The following TNKS variants were observed in gnomAD, a reference collection of about 807,000 sequenced individuals.
TNKS encodes the protein poly [ADP-ribose] polymerase tankyrase-1.
TNKS carries 72 observed loss-of-function variants against 135.8 expected under a neutral mutation model. That is an observed-to-expected ratio of 0.53 (90% CI 0.44 to 0.64). The LOEUF (loss-of-function observed/expected upper bound fraction) is 0.64. Ranked by LOEUF, TNKS falls within the 30% of genes least tolerant of loss-of-function variation. The probability of loss-of-function intolerance (pLI) is 0.00; values close to 1 mark genes in which losing one functional copy is unlikely to be tolerated. For synonymous variants in TNKS, 849 were observed against 649.3 expected, an observed-to-expected ratio of 1.31 and a Z score of -4.68; for missense variants, 1,769 against 1,674.0, an observed-to-expected ratio of 1.06 and a Z score of -0.99.
intron 2 of TNKS, among the ~76,000 whole-genome samples, chr8:9,600,101 A>C (rs1563107031): frequency 6.6e-6 from 1 of 152,098 alleles, no homozygotes; most frequent in Non-Finnish European, 1.5e-5. Context: ...TTATCTCCTG[A>C]TTTACAGGCA....
intron 22 of TNKS, among the ~76,000 whole-genome samples, chr8:9,763,663 G>A (rs546888223): frequency 7.2e-5 from 11 of 152,158 alleles, no homozygotes; most frequent in Admixed American, 3.3e-4. Flanking sequence ...TAATCGTCAC[G>A]TATGCTTCTG....
chr8:9,611,860 A>G (rs1799476223), intron 2 of TNKS, among the ~76,000 whole-genome samples: 1 of 152,202 alleles, frequency 6.6e-6, no homozygotes, highest in African/African-American at 2.4e-5. Flanking sequence ...CCTGGTCTCA[A>G]CTTTTAGTTT....
chr8:9,703,802 G>A (rs534447958), intron 5 of TNKS, among the ~76,000 whole-genome samples: 5 of 152,248 alleles, frequency 3.3e-5, no homozygotes, highest in Non-Finnish European at 7.4e-5. Context: ...TGAAAAACCC[G>A]TTATGGTATT....
chr8:9,569,423 C>G (rs1440568133), intron 1 of TNKS, among the ~76,000 whole-genome samples: 1 of 152,180 alleles, frequency 6.6e-6, no homozygotes, highest in East Asian at 1.9e-4. Context: ...CCCTCTAACA[C>G]TCATAGATTT....
rs944352163 is a variant in TNKS at position 9,660,472 on chromosome 8, A to G, written c.995-19479A>G. Among the ~76,000 whole-genome samples the G allele has an allele frequency of 7.9e-4, 121 of 152,330 alleles. 2 individuals are homozygous for G. Among genetic ancestry groups the G allele is most frequent in the African/African-American group, 2.8e-3 (115 of 41,582 alleles). On this transcript the variant is annotated intron_variant, in intron 3 of 26. Coordinates refer to ENST00000310430, the MANE Select transcript of TNKS (RefSeq NM_003747.3). ...AAACGTAATCCAGCATGTAAAGAGA[A>G]CCAAAGACAAAAACCACATGATTAT...
intron 2 of TNKS, among the ~76,000 whole-genome samples, chr8:9,581,421 A>T (rs1398035028): frequency 6.6e-6 from 1 of 151,976 alleles, no homozygotes; most frequent in African/African-American, 2.4e-5. Flanking sequence ...GTTTCAACTG[A>T]CTCTCCCATT....
At chr8:9,682,401 C>G (rs147603360) in intron 5 of TNKS, among the ~76,000 whole-genome samples, 68 of 152,160 alleles carry the variant, frequency 4.5e-4, no homozygotes, top group African/African-American at 1.6e-3. Flanking sequence ...AACATGATCC[C>G]TGATATTTAA....
rs1348954544 is a variant in TNKS, at chr8:9,766,261, T to G, written c.3576T>G (p.Ile1192Met). The change falls in exon 25 of 27, where the codon ATT (isoleucine) becomes ATG (methionine). Residue 1192 changes from isoleucine to methionine, a missense_variant. Ile to Met is a conservative substitution (Grantham distance 10). Transcript: ENST00000310430. ...TAGGTTCTCCTTTCATTAATGCCATTATTCATAAAGGGTTTGATGAGCGAC... is the reference window on the plus strand; with the variant it reads ...TAGGTTCTCCTTTCATTAATGCCATGATTCATAAAGGGTTTGATGAGCGAC... ...LFHGSPFINAIIHKGFDERHA... is the reference protein window; with the variant it reads ...LFHGSPFINAMIHKGFDERHA... The G allele has an allele frequency of 2.5e-6, 4 of 1,608,354 alleles. No individual in the cohort carries two copies. The highest frequency in any genetic ancestry group is 3.4e-6 in the Non-Finnish European group (4 of 1,177,242).
rs1808453608 is a variant in TNKS at position 9,781,440 on chromosome 8, G to A, written c.*4704G>A. 1 of 152,170 alleles carries A rather than the reference G, an allele frequency of 6.6e-6. No individual in the cohort carries two copies. Among genetic ancestry groups the A allele is most frequent in the African/African-American group, 2.4e-5 (1 of 41,440 alleles). 9.4% of individuals were successfully genotyped at this position (152,170 alleles called of 1,614,324 possible). A position where few individuals can be genotyped will look rare whatever the true frequency, so the allele number is the denominator to read the frequency against. On this transcript the variant is annotated 3_prime_UTR_variant, in exon 27 of 27. Coordinates refer to ENST00000310430, the MANE Select transcript of TNKS (RefSeq NM_003747.3). ...TCCCAAAGTTCAGGATGAAAGGCTA[G>A]AAAACCCATTCAAAGTTAGGAAAGA...
chr8:9,674,182 C>T (rs987980327), intron 3 of TNKS, among the ~76,000 whole-genome samples: 6 of 152,064 alleles, frequency 3.9e-5, no homozygotes, highest in East Asian at 3.9e-4. Flanking sequence ...GAATCAAATA[C>T]AGGATGGAAG....
At position 9,776,691 on chromosome 8, in the gene TNKS, A is replaced by T. The variant is rs1808241116; in HGVS notation, c.3939A>T (p.Pro1313=). ...EYLITYQIMK[P]EAPSQTATAA... ...TTATCACTTACCAGATCATGAAGCCAGAAGCCCCTTCCCAGACCGCAACAG... is the reference window on the plus strand; with the variant it reads ...TTATCACTTACCAGATCATGAAGCCTGAAGCCCCTTCCCAGACCGCAACAG... The change falls in exon 27 of 27, where the codon CCA becomes CCT. Residue 1313 remains proline (P), a synonymous_variant. Transcript: ENST00000310430. The T allele has an allele frequency of 4.3e-6, 7 of 1,614,084 alleles. No individual in the cohort carries two copies. The African/African-American group carries it at 8.0e-5, about 18-fold the overall frequency.
At chr8:9,754,504 G>C (rs550910210) in intron 20 of TNKS, among the ~76,000 whole-genome samples, 1 of 151,600 alleles carries the variant, frequency 6.6e-6, no homozygotes, top group Non-Finnish European at 1.5e-5. Flanking sequence ...TTTTTTTTCT[G>C]CTTTCTCTCT....
At chr8:9,760,640 A>G (rs1807101825) in intron 20 of TNKS, among the ~76,000 whole-genome samples, 1 of 152,192 alleles carries the variant, frequency 6.6e-6, no homozygotes, top group Non-Finnish European at 1.5e-5. Context: ...TTGCATGTTC[A>G]GCCTTCAAGA....
intron 18 of TNKS, among the ~76,000 whole-genome samples, chr8:9,751,091 C>A (rs540773274): frequency 6.6e-6 from 1 of 152,278 alleles, no homozygotes; most frequent in African/African-American, 2.4e-5. Flanking sequence ...CAAGGGGAGG[C>A]ATACATGACG....
chr8:9,686,289 C>T (rs545525885), intron 5 of TNKS, among the ~76,000 whole-genome samples: 2 of 152,302 alleles, frequency 1.3e-5, no homozygotes, highest in Admixed American at 6.5e-5. Flanking sequence ...CCAACAGACC[C>T]ACCTGAGTTC....
intron 17 of TNKS, among the ~76,000 whole-genome samples, chr8:9,745,944 C>G (rs914740691): frequency 1.3e-5 from 2 of 152,118 alleles, no homozygotes; most frequent in African/African-American, 2.4e-5. Flanking sequence ...GCAGGGAAGA[C>G]GATATCTTAA....
chr8:9,722,009 C>T (rs993641338), intron 12 of TNKS, among the ~76,000 whole-genome samples: 3 of 150,776 alleles, frequency 2.0e-5, no homozygotes, highest in Admixed American at 6.6e-5. Flanking sequence ...GCCAAGATCG[C>T]GCCACTGCAC....
At chr8:9,666,988 A>G (rs1467340778) in intron 3 of TNKS, among the ~76,000 whole-genome samples, 1 of 152,202 alleles carries the variant, frequency 6.6e-6, no homozygotes, top group African/African-American at 2.4e-5. Context: ...CAGTTATGTT[A>G]AAAACTTGGC....
intron 11 of TNKS, 146 bp from the exon 12 acceptor site, chr8:9,720,228 G>A (rs1804806208): frequency 1.4e-6 from 1 of 710,226 alleles, no homozygotes; most frequent in East Asian, 3.2e-5. Context: ...TTCAGAATCA[G>A]TGAGCAAAAG....
Sources: allele counts gnomAD v4.1 joint callset (sites outside exome capture counted in the v4.1 genomes callset), GRCh38; gene constraint gnomAD v4.1.1; transcripts MANE v1.5; gene names NCBI Gene and HGNC (gene_info 2026-07-23, HGNC 2026-07-21).